The following CWC25 variants were observed in gnomAD, a reference collection of about 807,000 sequenced individuals.
CWC25 encodes CWC25 spliceosome associated protein, also known as pre-mRNA-splicing factor CWC25 homolog.
CWC25 carries 31 observed loss-of-function variants against 54.6 expected under a neutral mutation model. The observed-to-expected ratio is 0.57, with a 90% CI of 0.43 to 0.77. CWC25 has a LOEUF of 0.77. CWC25 is among the 30% of genes least tolerant of loss of function. CWC25 has a pLI of 0.00. For synonymous variants in CWC25, 151 were observed against 187.0 expected (o/e 0.81, Z 1.57); for missense variants, 453 against 529.3 (o/e 0.86, Z 1.41).
At chr17:38,815,426 G>A (rs930003997) in intron 2 of CWC25, among the ~76,000 whole-genome samples, 9 of 152,056 alleles carry the variant, frequency 5.9e-5, no homozygotes, top group African/African-American at 2.2e-4. Flanking sequence ...GCGTGGTGGC[G>A]GACGCCTGTA....
chr17:38,803,605 G>C (rs1383327448), intron 8 of CWC25, among the ~76,000 whole-genome samples: 1 of 151,482 alleles, frequency 6.6e-6, no homozygotes, highest in African/African-American at 2.4e-5. Flanking sequence ...ACTCCAGCCT[G>C]GGTGACAGAG....
intron 9 of CWC25, 107 bp downstream of exon 9, chr17:38,802,593 C>T: frequency 7.6e-7 from 1 of 1,316,604 alleles, no homozygotes; most frequent in Non-Finnish European, 1.0e-6. Context: ...GGTCTGAAGG[C>T]TGGGCTCCAT....
intron 6 of CWC25, among the ~76,000 whole-genome samples, chr17:38,808,055 C>CAAAAAA (rs61226105): frequency 1.1e-4 from 6 of 52,724 alleles, no homozygotes; most frequent in Admixed American, 2.6e-4. Flanking sequence ...GACTCCATCT[C>CAAAAAA]AAAAAAAAAA....
In CWC25 at chr17:38,813,963, G is replaced by T. The variant is rs188954962; in HGVS notation, c.428+898C>A. Among the ~76,000 whole-genome samples the T allele has an allele frequency of 2.9e-3, 441 of 152,220 alleles. 2 individuals are homozygous for T. Among genetic ancestry groups the T allele is most frequent in the African/African-American group, 0.01 (418 of 41,524 alleles). ...TGCAAACTCCTCCTCCCGGGTTCAT[G>T]CCATTCTCCTGCCTCAGCCTCCTGA... On this transcript the variant is annotated intron_variant, in intron 3 of 9. Transcript: ENST00000614790.
chr17:38,816,798 C>A (rs1911715554), intron 2 of CWC25, among the ~76,000 whole-genome samples: 2 of 151,892 alleles, frequency 1.3e-5, no homozygotes, highest in South Asian at 4.2e-4. Flanking sequence ...TATTCTCCTG[C>A]CTCAGCCTCC....
rs542076941 is a variant in CWC25 at position 38,817,027 on chromosome 17, G to A, written c.192-1930C>T. On this transcript the variant is annotated intron_variant, in intron 2 of 9. Coordinates refer to ENST00000614790, the MANE Select transcript of CWC25 (RefSeq NM_017748.5). ...TTTCATATTAAAAAAATGAGTCTGA[G>A]AAACACTGTAGTCTACAGTTAAGAA... 1.4e-3 allele frequency among the ~76,000 whole-genome samples: 218 copies of A among 151,624 alleles called. 2 individuals carry two copies. The highest frequency in any genetic ancestry group is 4.6e-3 in the African/African-American group (192 of 41,334).
chr17:38,818,517 G>A lies in CWC25; in HGVS notation c.191+2384C>T, dbSNP rs561006838. 2.0e-3 allele frequency among the ~76,000 whole-genome samples: 287 copies of A among 147,038 alleles called. 3 individuals are homozygous for A. The highest frequency in any genetic ancestry group is 3.3e-3 in the Non-Finnish European group (221 of 67,138). On this transcript the variant is annotated intron_variant, in intron 2 of 9. Transcript: ENST00000614790. ...TGAGGCAGGAGAATGGCATGAACCC[G>A]GGAGGCGGAGCTTGCAGTGAGCCGA...
chr17:38,802,629 G>A, intron 9 of CWC25, 71 bp downstream of exon 9: 1 of 1,561,030 alleles, frequency 6.4e-7, no homozygotes, highest in Non-Finnish European at 8.7e-7. Context: ...CACTGGAACG[G>A]GAACCAGCTG....
chr17:38,825,283 G>A lies in CWC25; in HGVS notation c.-100C>T, dbSNP rs764962585. 2.3e-6 allele frequency: 3 copies of A among 1,324,900 alleles called. No homozygotes were observed. Among genetic ancestry groups the A allele is most frequent in the Non-Finnish European group, 3.1e-6 (3 of 968,048 alleles). The allele number at this position is 1,324,900 out of a possible 1,614,324, so 82.1% of individuals were successfully genotyped here. Reference sequence around the variant, plus strand: ...TTCGGGGGCTACCTCGCGGGATCTAGTCCCAGGAGCCGTCAACTGCCAGTT... The same window carrying A: ...TTCGGGGGCTACCTCGCGGGATCTAATCCCAGGAGCCGTCAACTGCCAGTT... On this transcript the variant is annotated 5_prime_UTR_variant, in exon 1 of 10. Coordinates refer to ENST00000614790, the MANE Select transcript of CWC25 (RefSeq NM_017748.5).
chr17:38,823,625 C>G (rs557415090), intron 1 of CWC25, among the ~76,000 whole-genome samples: 1 of 152,306 alleles, frequency 6.6e-6, no homozygotes, highest in South Asian at 2.1e-4. Context: ...TCCTGCCTCT[C>G]CCCTTCGTCA....
intron 2 of CWC25, among the ~76,000 whole-genome samples, chr17:38,817,656 G>A (rs376104236): frequency 1.2e-4 from 18 of 150,304 alleles, no homozygotes; most frequent in African/African-American, 3.2e-4. Context: ...ACCTGGTGGC[G>A]TGCATCTGTA....
At position 38,822,416 on chromosome 17, in the gene CWC25, C is replaced by T. The variant is rs1598079585; in HGVS notation, c.19-1343G>A. Among the ~76,000 whole-genome samples the T allele has an allele frequency of 2.0e-5, 3 of 152,168 alleles. No homozygotes were observed. The South Asian group carries it at 6.2e-4, about 32-fold the overall frequency. On this transcript the variant is annotated intron_variant, in intron 1 of 9. Transcript: ENST00000614790. ...ACCTTAGCTTGGTCTACTTCACCTG[C>T]CCTAAACTTGCATGGTTTACAACCC...
intron 3 of CWC25, among the ~76,000 whole-genome samples, chr17:38,813,493 A>T (rs1259130365): frequency 6.6e-6 from 1 of 151,322 alleles, no homozygotes; most frequent in East Asian, 2.0e-4. Flanking sequence ...AATAAATAAA[A>T]AACGACATGA....
In CWC25 at chr17:38,813,231, G is replaced by A. The variant is rs577963264; in HGVS notation, c.429-367C>T. Reference sequence around the variant, plus strand: ...AATCCCAGCACTTTGGGAGGCTGGGGCAGGCGGATCACTTGAGGTCAGAAG... The same window carrying A: ...AATCCCAGCACTTTGGGAGGCTGGGACAGGCGGATCACTTGAGGTCAGAAG... On this transcript the variant is annotated intron_variant, in intron 3 of 9. Transcript: ENST00000614790. 5.3e-5 allele frequency among the ~76,000 whole-genome samples: 8 copies of A among 152,040 alleles called. No homozygotes were observed. The South Asian group carries it at 1.7e-3, about 32-fold the overall frequency.
rs1417825150 is a variant in CWC25, at chr17:38,819,009, T to TTTTA, written c.191+1888_191+1891dup. ...AATGGGTATTCAGTCTAAAATCAAT[T>TTTTA]TTTACTTATTTATTTATTTATTTAT... On this transcript the variant is annotated intron_variant, in intron 2 of 9. Coordinates refer to ENST00000614790, the MANE Select transcript of CWC25 (RefSeq NM_017748.5). Among the ~76,000 whole-genome samples the TTTTA allele has an allele frequency of 1.2e-4, 16 of 129,054 alleles. No individual in the cohort carries two copies. In the South Asian group the frequency reaches 3.9e-3, roughly 31 times the overall value. 84.7% of individuals were successfully genotyped at this position (129,054 alleles called of 152,430 possible).
rs779495720 is a variant in CWC25 at position 38,802,688 on chromosome 17, A to T, written c.1163+12T>A. On this transcript the variant is annotated intron_variant, in intron 9 of 9. Coordinates refer to ENST00000614790, the MANE Select transcript of CWC25 (RefSeq NM_017748.5). Reference sequence around the variant, plus strand: ...CCCATGAAAGACCCTGGCAGGAAGAAGATGCACTCACTGGATGAACTTCCC... The same window carrying T: ...CCCATGAAAGACCCTGGCAGGAAGATGATGCACTCACTGGATGAACTTCCC... The T allele has an allele frequency of 3.7e-6, 6 of 1,613,692 alleles. No homozygotes were observed. Among genetic ancestry groups the T allele is most frequent in the African/African-American group, 1.3e-5 (1 of 75,020 alleles).
rs1192835723 is a variant in CWC25, at chr17:38,802,820, A to T, written c.1043T>A (p.Met348Lys). Residue 348 changes from methionine to lysine, a missense_variant, in exon 9 of 10, where the codon ATG becomes AAG. Around this residue, in one of 2 missense-constraint regions of CWC25, gnomAD observed 444 missense variants for 499.2 expected, o/e 0.89. Coordinates refer to ENST00000614790, the MANE Select transcript of CWC25 (RefSeq NM_017748.5). ...AEELERKRQEMMENAKWREEE... is the reference protein window; with the variant it reads ...AEELERKRQEKMENAKWREEE... ...CTCCCTCCATTTGGCGTTTTCCATC[A>T]TCTCTTGCCGTTTTCGCTCTAATTC... 6.2e-7 allele frequency: 1 copy of T among 1,613,914 alleles called. No homozygotes were observed. Among genetic ancestry groups the T allele is most frequent in the East Asian group, 2.2e-5 (1 of 44,884 alleles).
In CWC25 at chr17:38,810,241, C is replaced by T. The variant is rs541057875; in HGVS notation, c.626+227G>A. The T allele has an allele frequency of 2.6e-5, 14 of 541,264 alleles. No homozygotes were observed. The East Asian group carries it at 4.4e-4, about 17-fold the overall frequency. The allele number at this position is 541,264 out of a possible 1,614,324, so 33.5% of individuals were successfully genotyped here. A position where few individuals can be genotyped will look rare whatever the true frequency, so the allele number is the denominator to read the frequency against. The stretch of plus-strand genomic sequence containing the variant: ...GGCTAAAGTCAGCATTATTAAGGGT[C>T]TCTCTCCAGCAGCATGGCCAAGATA... On this transcript the variant is annotated intron_variant, in intron 5 of 9. Transcript: ENST00000614790.
chr17:38,821,537 C>T (rs1187414687), intron 1 of CWC25, among the ~76,000 whole-genome samples: 2 of 152,068 alleles, frequency 1.3e-5, no homozygotes, highest in Non-Finnish European at 2.9e-5. Context: ...ACAGCCTGGG[C>T]GACAGAGCAA....
Sources: allele counts gnomAD v4.1 joint callset (sites outside exome capture counted in the v4.1 genomes callset), GRCh38; gene constraint gnomAD v4.1.1; regional missense constraint gnomAD v4.1.1; transcripts MANE v1.5; gene names NCBI Gene and HGNC (gene_info 2026-07-23, HGNC 2026-07-21).